Variants in NXPE1 observed in about 807,000 individuals in gnomAD.
NXPE1 encodes NXPE family member 1.
NXPE1 carries 31 observed loss-of-function variants against 33.3 expected under a neutral mutation model. That is an observed-to-expected ratio of 0.93 (90% CI 0.70 to 1.26). NXPE1 has a LOEUF of 1.26. Among genes scored for constraint, NXPE1 ranks in the 50% most tolerant of loss-of-function variants. The pLI is 0.00. For missense variants in NXPE1, 661 were observed against 655.6 expected, an observed-to-expected ratio of 1.01 and a Z score of -0.09; for synonymous variants, 229 against 231.4, an observed-to-expected ratio of 0.99 and a Z score of 0.09.
At chr11:114,531,484 C>T (rs1017279753) in intron 5 of NXPE1, among the ~76,000 whole-genome samples, 10 of 152,278 alleles carry the variant, frequency 6.6e-5, no homozygotes, top group African/African-American at 1.9e-4. Flanking sequence ...ATTTAATTTC[C>T]TCTTCTGTTG....
intron 5 of NXPE1, among the ~76,000 whole-genome samples, chr11:114,537,031 A>G: frequency 6.6e-6 from 1 of 152,368 alleles, no homozygotes; most frequent in South Asian, 2.1e-4. Context: ...AAAATCCGCA[A>G]TAAAATACTG....
downstream of NXPE1, among the ~76,000 whole-genome samples, chr11:114,519,978 A>AT (rs1162252617): frequency 5.0e-5 from 5 of 99,502 alleles, no homozygotes; most frequent in African/African-American, 1.4e-4. Flanking sequence ...TTGCCCGCTA[A>AT]TTTTTTTTTG....
downstream of NXPE1, among the ~76,000 whole-genome samples, chr11:114,519,968 T>TCGCCTCCCGGGTTCA: frequency 8.5e-6 from 1 of 117,234 alleles, no homozygotes; most frequent in Admixed American, 8.5e-5. Context: ...CTCGGCGAGC[T>TCGCCTCCCGGGTTCA]TGCCCGCTAA....
At chr11:114,544,936 A>G (rs1948222686) in intron 5 of NXPE1, among the ~76,000 whole-genome samples, 4 of 152,216 alleles carry the variant, frequency 2.6e-5, no homozygotes, top group Admixed American at 2.6e-4. Flanking sequence ...AAGAAGAGAC[A>G]CGCATTACAA....
At chr11:114,558,539 A>G (rs1948710306) in intron 1 of NXPE1, among the ~76,000 whole-genome samples, 1 of 152,212 alleles carries the variant, frequency 6.6e-6, no homozygotes, top group South Asian at 2.1e-4. Context: ...TACTAATGGA[A>G]GTTGAGTTAT....
intron 7 of NXPE1, among the ~76,000 whole-genome samples, chr11:114,526,889 C>A (rs180808708): frequency 1.3e-5 from 2 of 152,288 alleles, no homozygotes; most frequent in East Asian, 3.9e-4. Context: ...TTATTATTTG[C>A]TTAAATCCAG....
chr11:114,530,162 A>G lies in NXPE1; in HGVS notation c.833+13T>C, dbSNP rs749048316. The G allele has an allele frequency of 6.3e-7, 1 of 1,579,394 alleles. No homozygotes were observed. Among genetic ancestry groups the G allele is most frequent in the Non-Finnish European group, 8.6e-7 (1 of 1,165,144 alleles). Reference sequence around the variant, plus strand: ...AGGGGACACTTCTCAGTATACATGAAAAGTATACTCACCTGTGGAAAAGGC... The same window carrying G: ...AGGGGACACTTCTCAGTATACATGAGAAGTATACTCACCTGTGGAAAAGGC... On this transcript the variant is annotated intron_variant, in intron 6 of 8. Transcript: ENST00000534921.
In NXPE1 at chr11:114,540,837, C is replaced by CTTTTTTTTTTTT. The variant is rs142403291; in HGVS notation, c.100-9941_100-9930dup. On this transcript the variant is annotated intron_variant, in intron 5 of 8. Transcript: ENST00000534921. The stretch of plus-strand genomic sequence containing the variant: ...TAGCTAAAACACAATAGAAAGCCAT[C>CTTTTTTTTTTTT]TTTTTTTTTTTTTTTTTTTTTTTTT... Among the ~76,000 whole-genome samples the CTTTTTTTTTTTT allele has an allele frequency of 1.3e-4, 6 of 47,470 alleles. 2 individuals are homozygous for CTTTTTTTTTTTT. The highest frequency in any genetic ancestry group is 2.8e-4 in the Non-Finnish European group (6 of 21,468). 31.1% of individuals were successfully genotyped at this position (47,470 alleles called of 152,430 possible). A position where few individuals can be genotyped will look rare whatever the true frequency, so the allele number is the denominator to read the frequency against.
chr11:114,545,959 G>T (rs1444091744), intron 5 of NXPE1, among the ~76,000 whole-genome samples: 1 of 152,072 alleles, frequency 6.6e-6, no homozygotes, highest in Non-Finnish European at 1.5e-5. Flanking sequence ...AAAGTGCTGG[G>T]ATTACAGGCA....
At chr11:114,539,174 A>G (rs1404069460) in intron 5 of NXPE1, among the ~76,000 whole-genome samples, 2 of 152,134 alleles carry the variant, frequency 1.3e-5, no homozygotes, top group South Asian at 2.1e-4. Context: ...TGAGCAAACT[A>G]TCACAAGGAC....
At chr11:114,534,696 C>T (rs142167093) in intron 5 of NXPE1, among the ~76,000 whole-genome samples, 1,584 of 151,116 alleles carry the variant, frequency 0.01, 32 homozygotes, top group African/African-American at 0.036. Flanking sequence ...TGATGGAAGA[C>T]GAAATGAATG....
intron 6 of NXPE1, among the ~76,000 whole-genome samples, chr11:114,528,607 C>T (rs138692979): frequency 7.9e-5 from 12 of 152,224 alleles, no homozygotes; most frequent in East Asian, 1.9e-4. Flanking sequence ...GTGTTGAATC[C>T]GATGTGTTAA....
intron 5 of NXPE1, among the ~76,000 whole-genome samples, chr11:114,535,771 G>A (rs1482530821): frequency 6.6e-6 from 1 of 152,152 alleles, no homozygotes; most frequent in Non-Finnish European, 1.5e-5. Context: ...GGAGCACCTA[G>A]ATTCATAAAG....
At chr11:114,523,141 C>G (rs767121750) in intron 7 of NXPE1, 50 bp from the exon 8 acceptor site, 1 of 1,336,804 alleles carries the variant, frequency 7.5e-7, no homozygotes, top group South Asian at 1.2e-5. Flanking sequence ...ACTTAGACAT[C>G]TAGCCTTCTT....
intron 5 of NXPE1, among the ~76,000 whole-genome samples, chr11:114,538,799 G>A (rs916308822): frequency 1.3e-5 from 2 of 152,120 alleles, no homozygotes; most frequent in African/African-American, 4.8e-5. Flanking sequence ...TGCTGGAGAG[G>A]ATGTGGAGAA....
At chr11:114,536,467 C>T (rs1312449088) in intron 5 of NXPE1, among the ~76,000 whole-genome samples, 1 of 152,060 alleles carries the variant, frequency 6.6e-6, no homozygotes, top group Non-Finnish European at 1.5e-5. Flanking sequence ...ACAAAAAACC[C>T]TTCAAAAAAA....
chr11:114,524,318 A>G (rs948373975), intron 7 of NXPE1, among the ~76,000 whole-genome samples: 2 of 152,162 alleles, frequency 1.3e-5, no homozygotes, highest in African/African-American at 4.8e-5. Context: ...AGTATTGGGG[A>G]ACCATCAGCA....
intron 5 of NXPE1, among the ~76,000 whole-genome samples, chr11:114,543,443 A>G (rs958214937): frequency 6.6e-6 from 1 of 151,544 alleles, no homozygotes; most frequent in Non-Finnish European, 1.5e-5. Flanking sequence ...AGGCTGAGGC[A>G]GGAAGATGAC....
intron 5 of NXPE1, among the ~76,000 whole-genome samples, chr11:114,542,791 C>A (rs1470008584): frequency 6.6e-6 from 1 of 152,006 alleles, no homozygotes; most frequent in African/African-American, 2.4e-5. Flanking sequence ...TAAACATAAT[C>A]ATTAGAACAA....
Sources: gnomAD v4.1 joint callset for allele counts (sites outside exome capture counted in the v4.1 genomes callset) on GRCh38, gnomAD v4.1.1 for gene constraint, MANE v1.5 for transcripts, NCBI Gene and HGNC (gene_info 2026-07-23, HGNC 2026-07-21) for gene names.